The following EPHB2 variants were observed in gnomAD, a reference collection of about 807,000 sequenced individuals.
The protein encoded by EPHB2 is ephrin type-B receptor 2.
A neutral mutation model predicts 96.4 loss-of-function variants in EPHB2; 18 were observed. That is an observed-to-expected ratio of 0.19 (90% CI 0.13 to 0.28). The LOEUF is 0.28. Ranked by LOEUF, EPHB2 falls within the 10% of genes least tolerant of loss-of-function variation. The pLI is 1.00. For missense variants in EPHB2, 989 were observed against 1,355.4 expected, an observed-to-expected ratio of 0.73 and a Z score of 4.25; for synonymous variants, 506 against 534.1, an observed-to-expected ratio of 0.95 and a Z score of 0.72.
rs556501193 is a variant in EPHB2 at position 22,776,328 on chromosome 1, C to T, written c.62-5093C>T. Among the ~76,000 whole-genome samples, 3 of 152,358 alleles carry T rather than the reference C, an allele frequency of 2.0e-5. No individual in the cohort carries two copies. The South Asian group carries it at 6.2e-4, about 32-fold the overall frequency. On this transcript the variant is annotated intron_variant, in intron 1 of 15. Coordinates refer to ENST00000374630, the MANE Select transcript of EPHB2 (RefSeq NM_017449.5). ...GCAGGCGTCACGTTCTCCTGGAAGC[C>T]ATCCCTAAATTTGGCATTTTCTTCC...
chr1:22,806,555 A>G (rs1202287616), intron 3 of EPHB2, among the ~76,000 whole-genome samples: 1 of 152,048 alleles, frequency 6.6e-6, no homozygotes, highest in Admixed American at 6.5e-5. Context: ...CACCATGAGG[A>G]TGGCTTCCCA....
At chr1:22,768,704 A>G (rs933967124) in intron 1 of EPHB2, among the ~76,000 whole-genome samples, 2 of 146,524 alleles carry the variant, frequency 1.4e-5, no homozygotes, top group African/African-American at 2.5e-5. Flanking sequence ...AAAAAAAAAA[A>G]AAGAAGACTC....
In EPHB2 at chr1:22,784,643, C is replaced by A; in HGVS notation, c.378C>A (p.Thr126=). The A allele has an allele frequency of 6.2e-7, 1 of 1,614,132 alleles. No homozygotes were observed. Among genetic ancestry groups the A allele is most frequent in the Non-Finnish European group, 8.5e-7 (1 of 1,180,040 alleles). Residue 126 remains threonine (T), a synonymous_variant, in exon 3 of 16, where the codon ACC becomes ACA. Transcript: ENST00000374630. This position sits in a 1 kb window ranked among gnomAD's most constrained non-coding sequence, Gnocchi z 5.1. ...YEADFDSATK[T]FPNWMENPWV... is the part of the protein sequence containing the mutation. ...CTGACTTTGACTCGGCCACCAAGAC[C>A]TTCCCCAACTGGATGGAGAATCCAT...
At chr1:22,799,276 G>C (rs1644809221) in intron 3 of EPHB2, among the ~76,000 whole-genome samples, 1 of 152,120 alleles carries the variant, frequency 6.6e-6, no homozygotes, top group South Asian at 2.1e-4. Context: ...GTGACCTTCT[G>C]TGACATGAGG....
At chr1:22,892,564 G>A (rs998955683) in intron 6 of EPHB2, among the ~76,000 whole-genome samples, 1 of 152,128 alleles carries the variant, frequency 6.6e-6, no homozygotes, top group Non-Finnish European at 1.5e-5. Flanking sequence ...AAGCACAAGA[G>A]GCCAAGACAA....
At chr1:22,781,340 G>GAGT in intron 1 of EPHB2, 81 bp from the exon 2 acceptor site, 1 of 1,093,010 alleles carries the variant, frequency 9.1e-7, no homozygotes, top group East Asian at 2.6e-5. Context: ...AAAAAAAGAA[G>GAGT]AAGAAGGATG....
Position 22,784,776 on chromosome 1 carries a change from C to T in EPHB2, c.511C>T (p.Arg171Cys), listed in dbSNP as rs769177192. The part of the protein sequence containing the change: ...TEVRSFGPVS[R>C]SGFYLAFQDY... ...GGTGCGGAGCTTCGGACCTGTGTCC[C>T]GCAGCGGCTTCTACCTGGCCTTCCA... Residue 171 changes from arginine (R) to cysteine (C), a missense_variant, in exon 3 of 16, where the codon CGC becomes TGC. Arg to Cys is a radical substitution (Grantham distance 180). Transcript: ENST00000374630. The surrounding 1 kb of genome is among the most constrained non-coding windows in gnomAD (Gnocchi z 5.1). 6 of 1,607,282 alleles carry T rather than the reference C, an allele frequency of 3.7e-6. No homozygotes were observed. Among genetic ancestry groups the T allele is most frequent in the East Asian group, 4.5e-5 (2 of 44,746 alleles).
chr1:22,748,984 A>G (rs908868612), intron 1 of EPHB2, among the ~76,000 whole-genome samples: 6 of 150,352 alleles, frequency 4.0e-5, no homozygotes. Flanking sequence ...GCTGCTGGTC[A>G]TCGGCGCCTG....
chr1:22,913,326 GCCCACTC>G lies in EPHB2; in HGVS notation c.2853-117_2853-111del, dbSNP rs751185915. Reference sequence around the variant, plus strand: ...TCGCTCCCTCCAGCTGTGGCTGCCTGCCCACTCCCCACTCCCCACTCCCCAGTACTCC... The same window carrying G: ...TCGCTCCCTCCAGCTGTGGCTGCCTGCCCACTCCCCACTCCCCAGTACTCC... On this transcript the variant is annotated intron_variant, in intron 15 of 15. Transcript: ENST00000374630. The surrounding 1 kb of genome is among the most constrained non-coding windows in gnomAD (Gnocchi z 4.1). 6.6e-5 allele frequency: 77 copies of G among 1,160,002 alleles called. 1 individual carries two copies. Among genetic ancestry groups the G allele is most frequent in the Admixed American group, 1.2e-4 (6 of 50,038 alleles). The allele number at this position is 1,160,002 out of a possible 1,614,324, so 71.9% of individuals were successfully genotyped here. A position where few individuals can be genotyped will look rare whatever the true frequency, so the allele number is the denominator to read the frequency against.
chr1:22,755,347 A>G (rs193249446), intron 1 of EPHB2, among the ~76,000 whole-genome samples: 190 of 152,200 alleles, frequency 1.2e-3, no homozygotes, highest in African/African-American at 4.2e-3. Context: ...GCTCACTTTG[A>G]CTATTTTTAA....
At chr1:22,865,468 A>G (rs1387860828) in intron 5 of EPHB2, among the ~76,000 whole-genome samples, 1 of 152,238 alleles carries the variant, frequency 6.6e-6, no homozygotes, top group Non-Finnish European at 1.5e-5. Context: ...ATCCAACATT[A>G]GGTGACTTAA....
At chr1:22,847,841 T>C (rs879552146) in intron 3 of EPHB2, among the ~76,000 whole-genome samples, 1 of 152,172 alleles carries the variant, frequency 6.6e-6, no homozygotes, top group Non-Finnish European at 1.5e-5. Flanking sequence ...GCACATGCTG[T>C]TCTGCCTGTC....
At chr1:22,782,658 A>C (rs1316223116) in intron 2 of EPHB2, among the ~76,000 whole-genome samples, 1 of 152,198 alleles carries the variant, frequency 6.6e-6, no homozygotes, top group African/African-American at 2.4e-5. Flanking sequence ...GGGCCTCCGC[A>C]TGTTAATTAG....
At chr1:22,823,876 G>C (rs1271622706) in intron 3 of EPHB2, among the ~76,000 whole-genome samples, 1 of 152,234 alleles carries the variant, frequency 6.6e-6, no homozygotes, top group East Asian at 1.9e-4. Context: ...CGATTGGTAG[G>C]CAGGTGGAAG....
rs1640323635 is a variant in EPHB2 at position 22,918,523 on chromosome 1, TC to T, written c.*4955del. 2 of 152,394 alleles carry T rather than the reference TC, an allele frequency of 1.3e-5. No individual in the cohort carries two copies. Among genetic ancestry groups the T allele is most frequent in the Middle Eastern group, 3.4e-3 (1 of 298 alleles). The allele number at this position is 152,394 out of a possible 1,614,324, so 9.4% of individuals were successfully genotyped here. A position where few individuals can be genotyped will look rare whatever the true frequency, so the allele number is the denominator to read the frequency against. On this transcript the variant is annotated 3_prime_UTR_variant, in exon 16 of 16. Coordinates refer to ENST00000374630, the MANE Select transcript of EPHB2 (RefSeq NM_017449.5). The surrounding 1 kb of genome is among the most constrained non-coding windows in gnomAD (Gnocchi z 4.2). ...GGAATGAGTCTGGGGTCCTGTCTTTTCCAATAATGTGTTATCCTGGGGAAAC... is the reference window on the plus strand; with the variant it reads ...GGAATGAGTCTGGGGTCCTGTCTTTTCAATAATGTGTTATCCTGGGGAAAC...
intron 3 of EPHB2, among the ~76,000 whole-genome samples, chr1:22,800,640 A>G (rs1644828515): frequency 6.6e-6 from 1 of 152,166 alleles, no homozygotes. Context: ...ATATTTTATC[A>G]AGCCAGATGT....
chr1:22,730,032 G>C (rs551588996), intron 1 of EPHB2, among the ~76,000 whole-genome samples: 2 of 152,356 alleles, frequency 1.3e-5, no homozygotes, highest in African/African-American at 4.8e-5. Flanking sequence ...AACGGAGTGG[G>C]ATTGAAGTCT....
Position 22,912,424 on chromosome 1 carries a change from T to C in EPHB2, c.2697-20T>C. On this transcript the variant is annotated intron_variant, in intron 14 of 15. Coordinates refer to ENST00000374630, the MANE Select transcript of EPHB2 (RefSeq NM_017449.5). ...CAAACAGGTGCCCTGACCATCTCTG[T>C]CGCCCACCCCCAACCCCAGCATCAA... The C allele has an allele frequency of 6.2e-7, 1 of 1,613,618 alleles. No homozygotes were observed. The highest frequency in any genetic ancestry group is 2.2e-5 in the East Asian group (1 of 44,854).
In EPHB2 at chr1:22,910,367, C is replaced by G; in HGVS notation, c.2503-15C>G. The G allele has an allele frequency of 1.2e-6, 2 of 1,614,198 alleles. No individual in the cohort carries two copies. Among genetic ancestry groups the G allele is most frequent in the East Asian group, 2.2e-5 (1 of 44,884 alleles). On this transcript the variant is annotated splice_polypyrimidine_tract_variant and intron_variant, in intron 13 of 15. Coordinates refer to ENST00000374630, the MANE Select transcript of EPHB2 (RefSeq NM_017449.5). ...CCCATCCACCCAACCCCACTGCACT[C>G]CTGCATTGTCCCAGGTAATCAATGC...
Sources: gnomAD v4.1 joint callset for allele counts (sites outside exome capture counted in the v4.1 genomes callset) on GRCh38, gnomAD v4.1.1 for gene constraint, Gnocchi (gnomAD v3.1) non-coding constraint, MANE v1.5 for transcripts, NCBI Gene and HGNC (gene_info 2026-07-23, HGNC 2026-07-21) for gene names.